C2CD3: variants seen among roughly 807,000 people sequenced by gnomAD.
C2CD3 encodes C2 domain-containing protein 3.
In C2CD3, 148 loss-of-function variants were observed where a neutral mutation model predicts 234.0. The ratio of observed to expected loss-of-function variants is 0.63; its 90% confidence interval spans 0.55 to 0.72. C2CD3 has a LOEUF of 0.72. Among genes scored for constraint, C2CD3 ranks in the 30% least tolerant of loss-of-function variants. The probability of loss-of-function intolerance (pLI) is 0.00; values close to 1 mark genes in which losing one functional copy is unlikely to be tolerated. For missense variants in C2CD3, 2,577 were observed against 2,811.5 expected, an observed-to-expected ratio of 0.92 and a Z score of 1.89; for synonymous variants, 1,000 against 1,035.4, an observed-to-expected ratio of 0.97 and a Z score of 0.66.
intron 11 of C2CD3, among the ~76,000 whole-genome samples, chr11:74,109,956 C>T (rs1487081698): frequency 1.4e-5 from 2 of 145,662 alleles, no homozygotes; most frequent in Non-Finnish European, 3.0e-5. Context: ...TGGCAGACGC[C>T]TGTAGTCCCA....
chr11:74,081,703 T>C (rs1269579819), intron 22 of C2CD3, among the ~76,000 whole-genome samples: 3 of 152,218 alleles, frequency 2.0e-5, no homozygotes, highest in Non-Finnish European at 4.4e-5. Flanking sequence ...CTTTGTTTTA[T>C]TATAAGAACT....
chr11:74,113,817 C>G lies in C2CD3; in HGVS notation c.1806G>C (p.Glu602Asp). The change falls in exon 11 of 33, where the codon GAG becomes GAC. Residue 602 changes from glutamate (E) to aspartate (D), a missense_variant. Physicochemically the swap from Glu to Asp is conservative, Grantham distance 45. Coordinates refer to ENST00000334126, the MANE Select transcript of C2CD3 (RefSeq NM_001286577.2). ...SGLGKTALITEVVRLASSKIT... is the reference protein window; with the variant it reads ...SGLGKTALITDVVRLASSKIT... ...TTTTACTGGAGGCGAGTCGAACAACCTCAGTGATCAAAGCTGTCTTTCCCA... is the reference window on the plus strand; with the variant it reads ...TTTTACTGGAGGCGAGTCGAACAACGTCAGTGATCAAAGCTGTCTTTCCCA... 1.2e-6 allele frequency: 2 copies of G among 1,613,250 alleles called. No homozygotes were observed. Among genetic ancestry groups the G allele is most frequent in the Non-Finnish European group, 1.7e-6 (2 of 1,179,474 alleles).
intron 10 of C2CD3, 145 bp from the exon 11 acceptor site, chr11:74,114,037 C>T: frequency 1.7e-6 from 1 of 601,466 alleles, no homozygotes; most frequent in Non-Finnish European, 2.9e-6. Context: ...TTCCACCAAC[C>T]CTGTCTGAGA....
Position 74,150,561 on chromosome 11 carries a change from A to C in C2CD3, c.484-10733T>G, listed in dbSNP as rs552966378. On this transcript the variant is annotated intron_variant, in intron 3 of 32. Transcript: ENST00000334126. Reference sequence around the variant, plus strand: ...TTTCTAAGCTTTTTAAAACATATAAAATTAGAAAAAAATAAATAACGACTA... The same window carrying C: ...TTTCTAAGCTTTTTAAAACATATAACATTAGAAAAAAATAAATAACGACTA... Among the ~76,000 whole-genome samples the C allele has an allele frequency of 3.4e-3, 432 of 128,062 alleles. 3 individuals carry two copies. Among genetic ancestry groups the C allele is most frequent in the African/African-American group, 0.013 (409 of 30,810 alleles). 84.0% of individuals were successfully genotyped at this position (128,062 alleles called of 152,430 possible).
At chr11:74,096,535 G>A (rs1272622039) in intron 16 of C2CD3, among the ~76,000 whole-genome samples, 1 of 152,094 alleles carries the variant, frequency 6.6e-6, no homozygotes, top group Non-Finnish European at 1.5e-5. Context: ...TGGCCTTATA[G>A]TATCACAGCA....
At chr11:74,076,343 C>A (rs934611194) in intron 23 of C2CD3, among the ~76,000 whole-genome samples, 2 of 152,184 alleles carry the variant, frequency 1.3e-5, no homozygotes, top group Middle Eastern at 3.2e-3. Flanking sequence ...GCTGATAGGG[C>A]TAACAAAGGG....
chr11:74,055,008 G>A (rs991968816), intron 25 of C2CD3, among the ~76,000 whole-genome samples: 4 of 152,278 alleles, frequency 2.6e-5, no homozygotes, highest in African/African-American at 9.6e-5. Context: ...TAATGATTCC[G>A]CTTATGCCTT....
At chr11:74,030,540 CCT>C (rs949325332) in intron 31 of C2CD3, among the ~76,000 whole-genome samples, 3 of 152,176 alleles carry the variant, frequency 2.0e-5, no homozygotes, top group African/African-American at 7.2e-5. Flanking sequence ...TCCTACGGCA[CCT>C]CTCTCTCCGC....
At chr11:74,033,169 G>A (rs984955041) in intron 31 of C2CD3, among the ~76,000 whole-genome samples, 182 bp downstream of exon 31, 3 of 152,194 alleles carry the variant, frequency 2.0e-5, no homozygotes, top group African/African-American at 7.2e-5. Context: ...AAGGCATTAT[G>A]TTTCTGAGGG....
rs557760227 is a variant in C2CD3, at chr11:74,013,096, G to A, written c.*289C>T. 13 of 197,218 alleles carry A rather than the reference G, an allele frequency of 6.6e-5. No individual in the cohort carries two copies. In the East Asian group the frequency reaches 1.2e-3, roughly 19 times the overall value. 12.2% of individuals were successfully genotyped at this position (197,218 alleles called of 1,614,324 possible). ...GGACACTGGGGGGCGTTTCTCCACC[G>A]AAAGATGCCTGCTTGGGTCCCACTT... On this transcript the variant is annotated 3_prime_UTR_variant, in exon 33 of 33. Coordinates refer to ENST00000334126, the MANE Select transcript of C2CD3 (RefSeq NM_001286577.2).
chr11:74,135,740 T>C (rs774387695), intron 5 of C2CD3, among the ~76,000 whole-genome samples: 1 of 152,214 alleles, frequency 6.6e-6, no homozygotes, highest in Non-Finnish European at 1.5e-5. Flanking sequence ...GTATTTGTTG[T>C]GTCCCTCACA....
intron 3 of C2CD3, among the ~76,000 whole-genome samples, chr11:74,141,574 G>C (rs951965801): frequency 3.9e-4 from 59 of 152,174 alleles, no homozygotes; most frequent in Admixed American, 5.2e-4. Flanking sequence ...CTTGAATAAA[G>C]AGTCAGAGAA....
At chr11:74,029,073 A>G (rs1185639058) in intron 31 of C2CD3, among the ~76,000 whole-genome samples, 3 of 152,186 alleles carry the variant, frequency 2.0e-5, no homozygotes, top group African/African-American at 4.8e-5. Context: ...TCCAATCTGG[A>G]TGTGAGCCCT....
At chr11:74,052,979 G>A (rs1953765605) in intron 26 of C2CD3, among the ~76,000 whole-genome samples, 1 of 152,220 alleles carries the variant, frequency 6.6e-6, no homozygotes, top group African/African-American at 2.4e-5. Flanking sequence ...AAAGAAGCTA[G>A]ACTTAGAGGA....
intron 20 of C2CD3, 81 bp downstream of exon 20, chr11:74,090,732 A>C: frequency 1.3e-6 from 2 of 1,497,302 alleles, no homozygotes; most frequent in Admixed American, 3.6e-5. Context: ...TATACCTAAG[A>C]AAGTTTTGCA....
chr11:74,089,901 G>A (rs1485794041), intron 20 of C2CD3, among the ~76,000 whole-genome samples: 1 of 152,208 alleles, frequency 6.6e-6, no homozygotes, highest in Non-Finnish European at 1.5e-5. Context: ...AAGTCTTGAA[G>A]GAAAATAGGA....
chr11:74,112,919 A>G (rs1046102095), intron 11 of C2CD3, among the ~76,000 whole-genome samples: 1 of 152,232 alleles, frequency 6.6e-6, no homozygotes, highest in Non-Finnish European at 1.5e-5. Context: ...AAGTTACCAT[A>G]TGACCCAGCA....
chr11:74,149,265 C>T (rs545133377), intron 3 of C2CD3, among the ~76,000 whole-genome samples: 55 of 152,236 alleles, frequency 3.6e-4, no homozygotes, highest in African/African-American at 1.3e-3. Flanking sequence ...ACATGTATTC[C>T]ATTTATAGCT....
intron 26 of C2CD3, among the ~76,000 whole-genome samples, chr11:74,052,669 G>A (rs1953754855): frequency 1.3e-5 from 2 of 152,216 alleles, no homozygotes. Flanking sequence ...AGCGAGTTAT[G>A]ATCAGCTCTT....
Sources: gnomAD v4.1 joint callset for allele counts (sites outside exome capture counted in the v4.1 genomes callset) on GRCh38, gnomAD v4.1.1 for gene constraint, MANE v1.5 for transcripts, NCBI Gene and HGNC (gene_info 2026-07-23, HGNC 2026-07-21) for gene names.